The following GRID1 variants were observed in gnomAD, a reference collection of about 807,000 sequenced individuals.
GRID1 encodes the protein glutamate receptor ionotropic, delta-1.
In GRID1, 28 loss-of-function variants were observed where a neutral mutation model predicts 98.0. The ratio of observed to expected loss-of-function variants is 0.29; its 90% CI spans 0.21 to 0.39. The LOEUF (loss-of-function observed/expected upper bound fraction) is 0.39. GRID1 is among the 10% of genes least tolerant of loss of function. The pLI is 1.00. For missense variants in GRID1, 1,111 were observed against 1,340.5 expected, an observed-to-expected ratio of 0.83 and a Z score of 2.67; for synonymous variants, 553 against 538.5, an observed-to-expected ratio of 1.03 and a Z score of -0.37.
At chr10:86,163,891 C>A (rs574988101) in intron 3 of GRID1, among the ~76,000 whole-genome samples, 1 of 152,186 alleles carries the variant, frequency 6.6e-6, no homozygotes, top group Non-Finnish European at 1.5e-5. Context: ...CAGCACCCCC[C>A]GCTGGTATGT....
chr10:86,057,791 G>C (rs191065233), intron 4 of GRID1, among the ~76,000 whole-genome samples: 1 of 152,186 alleles, frequency 6.6e-6, no homozygotes, highest in African/African-American at 2.4e-5. Flanking sequence ...AATGCATCTT[G>C]ACTTTATTCT....
intron 12 of GRID1, among the ~76,000 whole-genome samples, chr10:85,672,865 A>T (rs1841102840): frequency 6.6e-6 from 1 of 152,198 alleles, no homozygotes; most frequent in Non-Finnish European, 1.5e-5. Flanking sequence ...TATAATTTTG[A>T]CTTTCAAGTT....
chr10:86,206,386 G>A lies in GRID1; in HGVS notation c.498C>T (p.Val166=), dbSNP rs61744114. ...LVTELRWQKF[V]MFYDSEYDIR... is the part of the protein sequence containing the mutation. ...CACCATACTCGCTGTCGTAGAACAT[G>A]ACGAACTTCTGCCAGCGCAGCTCCG... The change falls in exon 3 of 16, where the codon GTC becomes GTT. Residue 166 remains valine, a synonymous_variant. Transcript: ENST00000327946. This position sits in a 1 kb window ranked among gnomAD's most constrained non-coding sequence, Gnocchi z 4.1. The A allele has an allele frequency of 6.2e-5, 99 of 1,606,682 alleles. No homozygotes were observed. The highest frequency in any genetic ancestry group is 4.0e-4 in the East Asian group (18 of 44,680).
At chr10:86,245,487 ACCATTTGCTTTACTCCATTC>A (rs1846709269) in intron 2 of GRID1, among the ~76,000 whole-genome samples, 1 of 13,464 alleles carries the variant, frequency 7.4e-5, no homozygotes, top group Admixed American at 9.2e-4. Flanking sequence ...TTCCTCCTCT[ACCATTTGCTTTACTCCATTC>A]CTCCTCTACC....
chr10:86,352,357 A>C (rs1848474959), intron 2 of GRID1, among the ~76,000 whole-genome samples: 2 of 152,170 alleles, frequency 1.3e-5, no homozygotes, highest in African/African-American at 2.4e-5. Context: ...CTCCTGTCTT[A>C]GTCTGCTCTG....
At chr10:85,907,326 G>T (rs1841476455) in intron 5 of GRID1, among the ~76,000 whole-genome samples, 1 of 152,124 alleles carries the variant, frequency 6.6e-6, no homozygotes, top group Non-Finnish European at 1.5e-5. Flanking sequence ...TGGCCAGGCT[G>T]GTCTGGAAGA....
At chr10:86,203,707 A>C (rs951567688) in intron 3 of GRID1, among the ~76,000 whole-genome samples, 20 of 151,738 alleles carry the variant, frequency 1.3e-4, no homozygotes, top group African/African-American at 4.8e-4. Flanking sequence ...GGACAGCGCC[A>C]TGAGCACACC....
chr10:86,102,564 GT>G (rs1398022798), intron 4 of GRID1, among the ~76,000 whole-genome samples: 1 of 152,220 alleles, frequency 6.6e-6, no homozygotes, highest in Non-Finnish European at 1.5e-5. Context: ...TTTGCTTTAT[GT>G]TAAACAGAGA....
At chr10:85,926,616 CA>C (rs978657956) in intron 4 of GRID1, among the ~76,000 whole-genome samples, 1 of 152,128 alleles carries the variant, frequency 6.6e-6, no homozygotes, top group African/African-American at 2.4e-5. Flanking sequence ...TCTTAGTCCT[CA>C]GGGGTGTGGC....
chr10:85,790,202 C>A (rs1464958961), intron 8 of GRID1, among the ~76,000 whole-genome samples: 1 of 152,370 alleles, frequency 6.6e-6, no homozygotes, highest in Admixed American at 6.5e-5. Context: ...TGTGGGAGGA[C>A]AAGGCTGTGT....
At chr10:85,942,595 C>T (rs1043904827) in intron 4 of GRID1, among the ~76,000 whole-genome samples, 9 of 152,204 alleles carry the variant, frequency 5.9e-5, no homozygotes, top group Non-Finnish European at 1.2e-4. Context: ...CAGTGAGCCT[C>T]GGTGTTCGTG....
chr10:85,832,285 T>A (rs539597655), intron 8 of GRID1, among the ~76,000 whole-genome samples: 4 of 151,432 alleles, frequency 2.6e-5, no homozygotes, highest in Non-Finnish European at 5.9e-5. Context: ...TAGAGAAAAA[T>A]ACACACTTTT....
intron 4 of GRID1, among the ~76,000 whole-genome samples, chr10:85,934,347 T>C (rs1237288344): frequency 1.3e-5 from 2 of 151,830 alleles, no homozygotes; most frequent in African/African-American, 2.4e-5. Context: ...AAAGTTACTC[T>C]GAGTCCAGTG....
chr10:85,947,385 TTTC>T, intron 4 of GRID1, among the ~76,000 whole-genome samples: 1 of 152,318 alleles, frequency 6.6e-6, no homozygotes, highest in East Asian at 1.9e-4. Flanking sequence ...TTGAACTGTT[TTTC>T]TTATTATAAT....
chr10:85,882,582 T>C (rs1014384033), intron 5 of GRID1, among the ~76,000 whole-genome samples: 3 of 151,868 alleles, frequency 2.0e-5, no homozygotes, highest in Non-Finnish European at 2.9e-5. Flanking sequence ...TGAGAACACA[T>C]GGACACAGGA....
chr10:86,335,254 C>T (rs181420260), intron 2 of GRID1, among the ~76,000 whole-genome samples: 1 of 152,348 alleles, frequency 6.6e-6, no homozygotes, highest in East Asian at 1.9e-4. Context: ...TTATTGAGTA[C>T]CTCCCAGGTG....
chr10:85,633,526 G>C (rs1017531531), intron 13 of GRID1, among the ~76,000 whole-genome samples: 1 of 152,202 alleles, frequency 6.6e-6, no homozygotes, highest in African/African-American at 2.4e-5. Context: ...TAGCCATAAA[G>C]GGTTGCTGGG....
chr10:86,184,785 C>A (rs11201928), intron 3 of GRID1, among the ~76,000 whole-genome samples: 25,037 of 152,072 alleles, frequency 0.16, 2,680 homozygotes, highest in African/African-American at 0.3. Flanking sequence ...ACTAGCATTA[C>A]CAAGTGAGTT....
rs201969274 is a variant in GRID1, at chr10:86,040,885, A to AT, written c.726+97933dup. ...AAATATGTACAATTATTATGTGTCA[A>AT]TTTTTTTTTAAAGTTGGTCTCTGGG... On this transcript the variant is annotated intron_variant, in intron 4 of 15. Transcript: ENST00000327946. 2.3e-4 allele frequency among the ~76,000 whole-genome samples: 35 copies of AT among 151,800 alleles called. 1 individual carries two copies. The highest frequency in any genetic ancestry group is 2.4e-4 in the Non-Finnish European group (16 of 67,888).
Sources: gnomAD v4.1 joint callset for allele counts (sites outside exome capture counted in the v4.1 genomes callset) on GRCh38, gnomAD v4.1.1 for gene constraint, Gnocchi (gnomAD v3.1) non-coding constraint, MANE v1.5 for transcripts, NCBI Gene and HGNC (gene_info 2026-07-23, HGNC 2026-07-21) for gene names.